The following PHKA1 variants were observed in gnomAD, a reference collection of about 807,000 sequenced individuals.
The protein encoded by PHKA1 is phosphorylase kinase regulatory subunit alpha 1, also known as phosphorylase b kinase regulatory subunit alpha, skeletal muscle isoform.
PHKA1 carries 60 observed loss-of-function variants against 110.2 expected under a neutral mutation model. That is an observed-to-expected ratio of 0.54 (90% CI 0.44 to 0.68). The LOEUF is 0.68. Ranked by LOEUF, PHKA1 falls within the 30% of genes least tolerant of loss-of-function variation. PHKA1 has a pLI of 0.00. For missense variants in PHKA1, 801 were observed against 942.5 expected (o/e 0.85, Z 1.97); for synonymous variants, 316 against 333.6 (o/e 0.95, Z 0.58).
At chrX:72,684,670 C>T in intron 4 of PHKA1, 90 bp from the exon 5 acceptor site, 1 of 569,470 alleles carries the variant, frequency 1.8e-6, no homozygotes, top group Non-Finnish European at 3.0e-6. Context: ...TCTCACTAAT[C>T]CCAAGCAATC....
At chrX:72,710,986 C>T (rs924321551) in intron 2 of PHKA1, among the ~76,000 whole-genome samples, 1 of 106,736 alleles carries the variant, frequency 9.4e-6, no homozygotes, top group Non-Finnish European at 1.9e-5. Context: ...CTCAGCCTCC[C>T]GAGTAGCTGG....
chrX:72,611,436 C>CA (rs1879862817), intron 21 of PHKA1, among the ~76,000 whole-genome samples: 1 of 111,398 alleles, frequency 9.0e-6, no homozygotes, highest in South Asian at 3.7e-4. Context: ...TCATGGGCTT[C>CA]AATATAGTTG....
At chrX:72,702,414 C>T (rs1282051342) in intron 3 of PHKA1, among the ~76,000 whole-genome samples, 5 of 111,770 alleles carry the variant, frequency 4.5e-5, no homozygotes, top group Non-Finnish European at 9.4e-5. Context: ...CACACCACTG[C>T]ACTCCAGCCT....
chrX:72,662,335 A>G (rs1271403618), intron 8 of PHKA1, among the ~76,000 whole-genome samples: 1 of 111,544 alleles, frequency 9.0e-6, no homozygotes, highest in African/African-American at 3.3e-5. Flanking sequence ...ACTCTTTGCC[A>G]TCATTTCACC....
At chrX:72,607,056 ATT>A (rs1195973906) in intron 23 of PHKA1, among the ~76,000 whole-genome samples, 1 of 110,774 alleles carries the variant, frequency 9.0e-6, no homozygotes. Context: ...ACAGGATCTC[ATT>A]TTTTTTGTGT....
intron 4 of PHKA1, among the ~76,000 whole-genome samples, chrX:72,690,915 A>G (rs1256910377): frequency 9.0e-6 from 1 of 111,101 alleles, no homozygotes; most frequent in Non-Finnish European, 1.9e-5. Flanking sequence ...TTACAGGAAC[A>G]CACCACCACG....
chrX:72,697,490 C>A (rs148971319), intron 3 of PHKA1, among the ~76,000 whole-genome samples: 2,226 of 108,971 alleles, frequency 0.02, 64 homozygotes, highest in African/African-American at 0.071. Flanking sequence ...ATTTAAAAGG[C>A]CTTCATGTTT....
chrX:72,649,856 G>C (rs2147756135), intron 13 of PHKA1, among the ~76,000 whole-genome samples: 1 of 110,242 alleles, frequency 9.1e-6, no homozygotes, highest in South Asian at 4.0e-4. Flanking sequence ...GCTAGGCGTG[G>C]TGGTGCGCGA....
chrX:72,637,466 A>ACATTTGGGT (rs782517197), intron 14 of PHKA1, among the ~76,000 whole-genome samples: 51 of 111,898 alleles, frequency 4.6e-4, no homozygotes, highest in Non-Finnish European at 8.9e-4. Flanking sequence ...TCATTGATGG[A>ACATTTGGGT]CATTTGGGTT....
At chrX:72,626,914 A>G in intron 17 of PHKA1, 57 bp downstream of exon 17, 1 of 918,531 alleles carries the variant, frequency 1.1e-6, no homozygotes. Context: ...TGCCACTACT[A>G]TATCCAGCCC....
At chrX:72,647,553 C>T (rs782498910) in intron 13 of PHKA1, among the ~76,000 whole-genome samples, 2 of 111,523 alleles carry the variant, frequency 1.8e-5, no homozygotes, top group East Asian at 2.8e-4. Flanking sequence ...AAAGGAGAAG[C>T]GGACTTAGAA....
intron 16 of PHKA1, 149 bp downstream of exon 16, chrX:72,635,004 GAA>G: frequency 1.5e-6 from 1 of 678,534 alleles, no homozygotes; most frequent in Non-Finnish European, 2.2e-6. Context: ...CCAGTGCTTA[GAA>G]AAGTGCTTGG....
At chrX:72,682,412 G>A (rs1456339822) in intron 5 of PHKA1, among the ~76,000 whole-genome samples, 2 of 112,529 alleles carry the variant, frequency 1.8e-5, no homozygotes, top group Non-Finnish European at 3.8e-5. Context: ...CCACCACCCC[G>A]TCTGGGAGGT....
chrX:72,612,113 T>C (rs1035614153), intron 21 of PHKA1, among the ~76,000 whole-genome samples: 3 of 112,278 alleles, frequency 2.7e-5, no homozygotes, highest in Non-Finnish European at 5.6e-5. Context: ...ATAAGATGTG[T>C]TATATTTATA....
intron 8 of PHKA1, among the ~76,000 whole-genome samples, chrX:72,659,461 C>T (rs1285677532): frequency 9.0e-6 from 1 of 110,915 alleles, no homozygotes; most frequent in Non-Finnish European, 1.9e-5. Flanking sequence ...CCTCTGGGCC[C>T]TCTCAGTGGA....
intron 28 of PHKA1, among the ~76,000 whole-genome samples, chrX:72,594,099 A>G (rs1419688082): frequency 1.8e-5 from 2 of 111,671 alleles, no homozygotes; most frequent in Non-Finnish European, 3.8e-5. Context: ...GAAAATAATG[A>G]AATGAATGAA....
chrX:72,652,117 T>C (rs1321643769), intron 12 of PHKA1, among the ~76,000 whole-genome samples: 1 of 112,289 alleles, frequency 8.9e-6, no homozygotes, highest in Non-Finnish European at 1.9e-5. Flanking sequence ...ATGATGTTCC[T>C]AGTCACTTAT....
chrX:72,667,915 C>A (rs1400920573), intron 6 of PHKA1, among the ~76,000 whole-genome samples: 1 of 111,610 alleles, frequency 9.0e-6, no homozygotes, highest in East Asian at 2.8e-4. Flanking sequence ...CCCAAAACAA[C>A]CACTTTTAAC....
rs58583639 is a variant in PHKA1 at position 72,713,670 on chromosome X, TCACACACACACACACACACACACA to T, written c.78+109_78+132del. ...ACGCGGAGTTCATGCAAGGTCTCCG[TCACACACACACACACACACACACA>T]CACACACCCACACACGCACGCACGC... On this transcript the variant is annotated intron_variant, in intron 1 of 31. Transcript: ENST00000373542. 1,749 of 479,154 alleles carry T rather than the reference TCACACACACACACACACACACACA, an allele frequency of 3.7e-3. 2 individuals carry two copies. Among genetic ancestry groups the T allele is most frequent in the Non-Finnish European group, 5.4e-3 (1,469 of 274,386 alleles). The allele number at this position is 479,154 out of a possible 1,213,427, so 39.5% of individuals were successfully genotyped here. A position where few individuals can be genotyped will look rare whatever the true frequency, so the allele number is the denominator to read the frequency against.
Sources: gnomAD v4.1 joint callset for allele counts (sites outside exome capture counted in the v4.1 genomes callset) on GRCh38, gnomAD v4.1.1 for gene constraint, MANE v1.5 for transcripts, NCBI Gene and HGNC (gene_info 2026-07-23, HGNC 2026-07-21) for gene names.